The following BLM variants were observed in gnomAD, a reference collection of about 807,000 sequenced individuals.
BLM encodes recQ-like DNA helicase BLM.
BLM carries 95 observed loss-of-function variants against 135.3 expected under a neutral mutation model. The observed-to-expected ratio is 0.70, with a 90% CI of 0.59 to 0.83. BLM has a LOEUF of 0.83. Ranked by LOEUF, BLM falls within the 40% of genes least tolerant of loss-of-function variation. BLM has a pLI of 0.00. For synonymous variants in BLM, 520 were observed against 589.2 expected (o/e 0.88, Z 1.70); for missense variants, 1,518 against 1,663.9 (o/e 0.91, Z 1.53).
intron 1 of BLM, among the ~76,000 whole-genome samples, chr15:90,725,739 C>CT (rs1295341446): frequency 2.0e-5 from 3 of 151,506 alleles, no homozygotes; most frequent in Non-Finnish European, 4.4e-5. Context: ...TCTCAATCTC[C>CT]TGACCTCGTG....
rs28385085 is a variant in BLM at position 90,792,696 on chromosome 15, C to T, written c.3020-1471C>T. 5.3e-3 allele frequency among the ~76,000 whole-genome samples: 814 copies of T among 152,192 alleles called. 14 individuals are homozygous for T. The highest frequency in any genetic ancestry group is 0.019 in the African/African-American group (785 of 41,496). On this transcript the variant is annotated intron_variant, in intron 15 of 21. Transcript: ENST00000355112. ...CCCTTCCTATGTGCCATTCTAAATG[C>T]CTTACATGTATCATCAACTAATTTC...
intron 8 of BLM, among the ~76,000 whole-genome samples, chr15:90,764,135 A>ATT (rs796848988): frequency 6.7e-6 from 1 of 148,694 alleles, no homozygotes; most frequent in African/African-American, 2.5e-5. Context: ...TAATCCATTG[A>ATT]TTTTTTTTTT....
rs137989123 is a variant in BLM at position 90,813,393 on chromosome 15, T to TTTG, written c.4077-1695_4077-1693dup. The stretch of plus-strand genomic sequence containing the variant: ...GTGAGCCTGGGTGTTTAAGATGGGA[T>TTTG]TTGTTGTTGTTGTTGTCGTTATGGA... On this transcript the variant is annotated intron_variant, in intron 21 of 21. Coordinates refer to ENST00000355112, the MANE Select transcript of BLM (RefSeq NM_000057.4). Among the ~76,000 whole-genome samples, 191 of 152,148 alleles carry TTTG rather than the reference T, an allele frequency of 1.3e-3. 1 individual carries two copies. Among genetic ancestry groups the TTTG allele is most frequent in the African/African-American group, 4.4e-3 (184 of 41,520 alleles).
chr15:90,815,285 G>A lies in BLM; in HGVS notation c.*6G>A, dbSNP rs375331228. On this transcript the variant is annotated 3_prime_UTR_variant, in exon 22 of 22. Transcript: ENST00000355112. This position sits in a 1 kb window ranked among gnomAD's most constrained non-coding sequence, Gnocchi z 4.6. ...CTTCATATGCATTCTCATAACAACCGAATCTCAATGTACATAGACCCTCTT... is the reference window on the plus strand; with the variant it reads ...CTTCATATGCATTCTCATAACAACCAAATCTCAATGTACATAGACCCTCTT... 2.4e-5 allele frequency: 38 copies of A among 1,612,620 alleles called. No homozygotes were observed. The highest frequency in any genetic ancestry group is 1.2e-4 in the Admixed American group (7 of 59,996).
intron 17 of BLM, among the ~76,000 whole-genome samples, chr15:90,799,101 G>A (rs1188317955): frequency 6.6e-6 from 1 of 151,320 alleles, no homozygotes; most frequent in African/African-American, 2.4e-5. Flanking sequence ...GGAGGTGGAG[G>A]TTGCAGTGAG....
intron 17 of BLM, among the ~76,000 whole-genome samples, chr15:90,802,266 A>C (rs1897182515): frequency 6.6e-6 from 1 of 152,192 alleles, no homozygotes; most frequent in African/African-American, 2.4e-5. Flanking sequence ...ATTATTTGGA[A>C]CTCTTTAAAA....
chr15:90,760,323 C>A, intron 6 of BLM, 44 bp downstream of exon 6: 1 of 1,611,568 alleles, frequency 6.2e-7, no homozygotes, highest in South Asian at 1.1e-5. Context: ...GATTATATTT[C>A]TACCACTCTA....
chr15:90,815,460 G>T lies in BLM; in HGVS notation c.*181G>T. On this transcript the variant is annotated 3_prime_UTR_variant, in exon 22 of 22. Transcript: ENST00000355112. The surrounding 1 kb of genome is among the most constrained non-coding windows in gnomAD (Gnocchi z 4.6). ...AAAATAAACATTTTCTTTTGAATAAGCATGTTTTGCTGCCGCTGCAAGTGT... is the reference window on the plus strand; with the variant it reads ...AAAATAAACATTTTCTTTTGAATAATCATGTTTTGCTGCCGCTGCAAGTGT... 1.4e-6 allele frequency: 1 copy of T among 709,346 alleles called. No individual in the cohort carries two copies. The highest frequency in any genetic ancestry group is 2.8e-5 in the East Asian group (1 of 35,462). 43.9% of individuals were successfully genotyped at this position (709,346 alleles called of 1,614,324 possible).
rs1596271761 is a variant in BLM, at chr15:90,809,144, A to G, written c.3759A>G (p.Leu1253=). The G allele has an allele frequency of 6.2e-7, 1 of 1,614,208 alleles. No individual in the cohort carries two copies. The highest frequency in any genetic ancestry group is 2.2e-5 in the East Asian group (1 of 44,892). ...TVTLKKLAES[L]SSDPEVLLQI... ...TTTTATGCCTTTGCACAGAATCTTT[A>G]TCTTCTGATCCTGAGGTTTTGCTTC... The change falls in exon 20 of 22, where the codon TTA becomes TTG. Residue 1253 remains leucine, a synonymous_variant. Coordinates refer to ENST00000355112, the MANE Select transcript of BLM (RefSeq NM_000057.4).
chr15:90,801,231 T>C (rs1897159468), intron 17 of BLM, among the ~76,000 whole-genome samples: 1 of 152,084 alleles, frequency 6.6e-6, no homozygotes, highest in Non-Finnish European at 1.5e-5. Context: ...GTAAACATTC[T>C]CCTTTTGGTT....
chr15:90,742,706 C>T (rs955011601), intron 1 of BLM, among the ~76,000 whole-genome samples: 1 of 151,856 alleles, frequency 6.6e-6, no homozygotes, highest in Admixed American at 6.6e-5. Flanking sequence ...GTGATCATGG[C>T]TCACTGAAAC....
intron 17 of BLM, among the ~76,000 whole-genome samples, chr15:90,800,099 T>G (rs556170723): frequency 1.3e-5 from 2 of 152,340 alleles, no homozygotes; most frequent in East Asian, 3.9e-4. Context: ...GAGGCCCTGC[T>G]TTTTGGCAGA....
chr15:90,724,219 C>T (rs1385992334), intron 1 of BLM, among the ~76,000 whole-genome samples: 1 of 151,932 alleles, frequency 6.6e-6, no homozygotes, highest in Non-Finnish European at 1.5e-5. Context: ...TGCTTTGTTG[C>T]CTAGGCTGGT....
intron 19 of BLM, among the ~76,000 whole-genome samples, chr15:90,804,728 G>C (rs1176385235): frequency 6.6e-6 from 1 of 152,172 alleles, no homozygotes; most frequent in African/African-American, 2.4e-5. Flanking sequence ...GCCTGCCAGA[G>C]TGCTGGGATT....
At chr15:90,756,357 C>T (rs1200007834) in intron 5 of BLM, among the ~76,000 whole-genome samples, 11 of 147,368 alleles carry the variant, frequency 7.5e-5, no homozygotes, top group African/African-American at 2.4e-4. Flanking sequence ...CCCACCTCGG[C>T]CCCCCAAAGT....
rs1897413640 is a variant in BLM at position 90,811,319 on chromosome 15, C to G, written c.3989C>G (p.Thr1330Ser). 6.2e-7 allele frequency: 1 copy of G among 1,613,912 alleles called. No individual in the cohort carries two copies. The highest frequency in any genetic ancestry group is 1.1e-5 in the South Asian group (1 of 91,092). ...PVSSHYFASK[T>S]RNERKRKKMP... ...TCTTCCCACTACTTTGCAAGTAAAACCAGAAATGAAAGGAAGAGGAAAAAG... is the reference window on the plus strand; with the variant it reads ...TCTTCCCACTACTTTGCAAGTAAAAGCAGAAATGAAAGGAAGAGGAAAAAG... The change falls in exon 21 of 22, where the codon ACC (threonine) becomes AGC (serine). Residue 1330 changes from threonine (T) to serine (S), a missense_variant. This residue lies in a region of BLM where 153 missense variants were observed against 173.4 expected (regional missense o/e 0.88). Transcript: ENST00000355112.
rs557969162 is a variant in BLM at position 90,800,621 on chromosome 15, A to G, written c.3358+2284A>G. On this transcript the variant is annotated intron_variant, in intron 17 of 21. Coordinates refer to ENST00000355112, the MANE Select transcript of BLM (RefSeq NM_000057.4). ...CTTGAACCCGGGAGGCAGAGGTTGC[A>G]GTGAGCCAAGATCGTGCCATTGCAC... 2.8e-4 allele frequency among the ~76,000 whole-genome samples: 42 copies of G among 152,300 alleles called. 1 individual carries two copies. In the East Asian group the frequency reaches 5.4e-3, roughly 20 times the overall value.
intron 17 of BLM, among the ~76,000 whole-genome samples, chr15:90,800,572 C>T (rs1047594602): frequency 3.3e-5 from 5 of 152,038 alleles, no homozygotes; most frequent in Admixed American, 1.3e-4. Context: ...CCCAGCTAGT[C>T]GGGAGGCTGA....
chr15:90,802,082 A>G (rs575010981), intron 17 of BLM, among the ~76,000 whole-genome samples: 3 of 152,314 alleles, frequency 2.0e-5, no homozygotes, highest in African/African-American at 7.2e-5. Flanking sequence ...TATTTCAGCC[A>G]GCTTTCGTAG....
Sources: allele counts gnomAD v4.1 joint callset (sites outside exome capture counted in the v4.1 genomes callset), GRCh38; gene constraint gnomAD v4.1.1; regional missense constraint gnomAD v4.1.1; non-coding constraint Gnocchi (gnomAD v3.1); transcripts MANE v1.5; gene names NCBI Gene and HGNC (gene_info 2026-07-23, HGNC 2026-07-21).